Variants in PAMR1 observed in about 807,000 individuals in gnomAD.
PAMR1 encodes the protein peptidase domain containing associated with muscle regeneration 1.
PAMR1 carries 88 observed loss-of-function variants against 81.8 expected under a neutral mutation model. The observed-to-expected ratio is 1.08, with a 90% confidence interval of 0.91 to 1.28. The LOEUF is 1.28. Ranked by LOEUF, PAMR1 falls within the 50% of genes most tolerant of loss-of-function variation. The pLI is 0.00. For missense variants in PAMR1, 935 were observed against 919.7 expected, an observed-to-expected ratio of 1.02 and a Z score of -0.21; for synonymous variants, 336 against 345.3, an observed-to-expected ratio of 0.97 and a Z score of 0.30.
chr11:35,447,337 G>T (rs1856316206), intron 6 of PAMR1, among the ~76,000 whole-genome samples: 2 of 151,776 alleles, frequency 1.3e-5, no homozygotes, highest in South Asian at 4.2e-4. Context: ...CGAGTAGCTG[G>T]GACTACAGCC....
chr11:35,434,670 T>C lies in PAMR1; in HGVS notation c.1468A>G (p.Ser490Gly). The change falls in exon 10 of 11, where the codon AGC becomes GGC. Residue 490 changes from serine to glycine, a missense_variant. Ser to Gly is a moderately conservative substitution (Grantham distance 56, BLOSUM62 0). Coordinates refer to ENST00000619888, the MANE Select transcript of PAMR1 (RefSeq NM_001001991.3). ...LHKGAWFLVC[S>G]GALVNERTVV... is the part of the protein sequence containing the mutation. The stretch of plus-strand genomic sequence containing the variant: ...GTGCGCTCATTCACCAGGGCACCGC[T>C]GCAGACTAGGAACCACGCTCCCTTG... 1 of 1,614,172 alleles carries C rather than the reference T, an allele frequency of 6.2e-7. No individual in the cohort carries two copies. Among genetic ancestry groups the C allele is most frequent in the Non-Finnish European group, 8.5e-7 (1 of 1,180,024 alleles).
Position 35,505,700 on chromosome 11 carries a change from C to T in PAMR1, c.74-11428G>A, listed in dbSNP as rs572445993. ...CTTGCTCTTTTTTGGTTTCTACTTG[C>T]ATAGAATTTCTTTTGCCATCCCTTC... is the stretch of plus-strand genomic sequence containing the variant. On this transcript the variant is annotated intron_variant, in intron 1 of 10. Transcript: ENST00000619888. Among the ~76,000 whole-genome samples the T allele has an allele frequency of 3.4e-4, 51 of 152,196 alleles. No individual in the cohort carries two copies. The South Asian group carries it at 0.011, about 32-fold the overall frequency.
At chr11:35,505,060 G>C (rs2781017) in intron 1 of PAMR1, among the ~76,000 whole-genome samples, 47,455 of 151,586 alleles carry the variant, frequency 0.31, 7,491 homozygotes, top group African/African-American at 0.37. Context: ...TTTCCATTTT[G>C]ATTTGTTTGA....
chr11:35,501,501 G>C (rs1850840961), intron 1 of PAMR1, among the ~76,000 whole-genome samples: 3 of 151,818 alleles, frequency 2.0e-5, no homozygotes, highest in Admixed American at 1.3e-4. Context: ...AAGTACAGTT[G>C]TACAAAAATA....
At chr11:35,513,737 A>G (rs143091015) in intron 1 of PAMR1, among the ~76,000 whole-genome samples, 5 of 152,288 alleles carry the variant, frequency 3.3e-5, no homozygotes, top group African/African-American at 1.2e-4. Context: ...CACTCCCCAG[A>G]CCACCTGTAT....
intron 1 of PAMR1, among the ~76,000 whole-genome samples, chr11:35,501,334 T>C (rs910024913): frequency 1.3e-5 from 2 of 151,870 alleles, no homozygotes; most frequent in African/African-American, 4.8e-5. Flanking sequence ...GGTTTCATCA[T>C]GTGGCCCAGG....
At position 35,495,661 on chromosome 11, in the gene PAMR1, G is replaced by A. The variant is rs1340067359; in HGVS notation, c.74-1389C>T. 2.0e-5 allele frequency among the ~76,000 whole-genome samples: 3 copies of A among 152,256 alleles called. No homozygotes were observed. In the South Asian group the frequency reaches 6.2e-4, roughly 32 times the overall value. On this transcript the variant is annotated intron_variant, in intron 1 of 10. Transcript: ENST00000619888. ...CAGGCAGGGATCACCAGCATGCTTC[G>A]TAGGCCCGCATAAATGAATTCTAGC... is the stretch of plus-strand genomic sequence containing the variant.
At chr11:35,528,374 T>A (rs780125822), upstream of PAMR1, among the ~76,000 whole-genome samples, 9 of 152,166 alleles carry the variant, frequency 5.9e-5, no homozygotes, top group Non-Finnish European at 1.0e-4. Context: ...TAGTCTTATC[T>A]CCCATTAGGA....
chr11:35,484,316 GGCT>G lies in PAMR1; in HGVS notation c.379+7726_379+7728del, dbSNP rs557095891. On this transcript the variant is annotated intron_variant, in intron 3 of 10. Transcript: ENST00000619888. Reference sequence around the variant, plus strand: ...AAACAGAGATTCAAATCCAAGCCCAGGCTGCTAACTGCCACCTAATACCATCCC... The same window carrying G: ...AAACAGAGATTCAAATCCAAGCCCAGGCTAACTGCCACCTAATACCATCCC... Among the ~76,000 whole-genome samples, 471 of 152,318 alleles carry G rather than the reference GGCT, an allele frequency of 3.1e-3. 1 individual carries two copies. Among genetic ancestry groups the G allele is most frequent in the African/African-American group, 0.01 (426 of 41,572 alleles).
At chr11:35,522,013 C>T (rs1337710981) in intron 1 of PAMR1, among the ~76,000 whole-genome samples, 1 of 152,024 alleles carries the variant, frequency 6.6e-6, no homozygotes, top group African/African-American at 2.4e-5. Flanking sequence ...AGCTCCACCT[C>T]CCAGGTTCAC....
chr11:35,483,565 T>C (rs1315886099), intron 3 of PAMR1, among the ~76,000 whole-genome samples: 3 of 152,156 alleles, frequency 2.0e-5, no homozygotes, highest in Non-Finnish European at 4.4e-5. Flanking sequence ...GGCCCCTTCC[T>C]GCACTTGCCC....
intron 3 of PAMR1, among the ~76,000 whole-genome samples, chr11:35,485,755 G>GC (rs1324724696): frequency 4.6e-5 from 7 of 151,928 alleles, no homozygotes; most frequent in Admixed American, 2.0e-4. Context: ...TCTGGCACTT[G>GC]CCCGCCACTC....
At chr11:35,460,991 T>C (rs1383310548) in intron 6 of PAMR1, among the ~76,000 whole-genome samples, 1 of 152,246 alleles carries the variant, frequency 6.6e-6, no homozygotes, top group Non-Finnish European at 1.5e-5. Flanking sequence ...CCTGACTTTT[T>C]AATGATCGCC....
At chr11:35,523,185 TTTTTCTTGCCACTCC>T (rs372515507) in intron 1 of PAMR1, among the ~76,000 whole-genome samples, 112 of 152,262 alleles carry the variant, frequency 7.4e-4, no homozygotes, top group African/African-American at 2.5e-3. Context: ...TCACATCTCA[TTTTTCTTGCCACTCC>T]TTCTCCCTTG....
intron 5 of PAMR1, among the ~76,000 whole-genome samples, chr11:35,469,802 G>T (rs1856817323): frequency 6.7e-6 from 1 of 148,840 alleles, no homozygotes; most frequent in Non-Finnish European, 1.5e-5. Context: ...TTTTAATTCA[G>T]TTTTTTTTTT....
At position 35,461,610 on chromosome 11, in the gene PAMR1, TAA is replaced by T. The variant is rs397849497; in HGVS notation, c.820+6389_820+6390del. Reference sequence around the variant, plus strand: ...TGAAAAGAAAACTTTTCCCCAAAATTAAAAAAAAAAACACACATACACACCCA... The same window carrying T: ...TGAAAAGAAAACTTTTCCCCAAAATTAAAAAAAAACACACATACACACCCA... On this transcript the variant is annotated intron_variant, in intron 6 of 10. Transcript: ENST00000619888. Among the ~76,000 whole-genome samples the T allele has an allele frequency of 2.7e-5, 4 of 146,986 alleles. No homozygotes were observed. The East Asian group carries it at 7.9e-4, about 29-fold the overall frequency.
At position 35,435,988 on chromosome 11, in the gene PAMR1, T is replaced by C. The variant is rs776165955; in HGVS notation, c.1248A>G (p.Ser416=). The change falls in exon 9 of 11, where the codon TCA becomes TCG. Residue 416 remains serine (S), a synonymous_variant. Coordinates refer to ENST00000619888, the MANE Select transcript of PAMR1 (RefSeq NM_001001991.3). ...TGCTGCCCAGGCGGCGGTAGAAGGG[T>C]GAGATGCACTCATACTGGAGCTGGG... ...LHTQLQYECI[S]PFYRRLGSSR... 3.7e-6 allele frequency: 6 copies of C among 1,612,920 alleles called. No individual in the cohort carries two copies. In the East Asian group the frequency reaches 8.9e-5, roughly 24 times the overall value.
intron 6 of PAMR1, among the ~76,000 whole-genome samples, chr11:35,461,622 C>A (rs929593041): frequency 1.3e-5 from 2 of 151,308 alleles, no homozygotes; most frequent in Non-Finnish European, 3.0e-5. Context: ...AAAAAAAAAA[C>A]ACACATACAC....
chr11:35,439,418 C>T (rs1440016055), intron 8 of PAMR1, among the ~76,000 whole-genome samples: 7 of 152,222 alleles, frequency 4.6e-5, no homozygotes, highest in Admixed American at 3.9e-4. Flanking sequence ...GAAATTTGTA[C>T]ATCTTCCAAC....
Sources: allele counts gnomAD v4.1 joint callset (sites outside exome capture counted in the v4.1 genomes callset), GRCh38; gene constraint gnomAD v4.1.1; transcripts MANE v1.5; gene names NCBI Gene and HGNC (gene_info 2026-07-23, HGNC 2026-07-21).